PIK3AP1: variants seen among roughly 807,000 people sequenced by gnomAD.
The protein encoded by PIK3AP1 is phosphoinositide 3-kinase adapter protein 1.
In PIK3AP1, 21 loss-of-function variants were observed where a neutral mutation model predicts 88.1. The ratio of observed to expected loss-of-function variants is 0.24; its 90% CI spans 0.17 to 0.34. PIK3AP1 has a LOEUF of 0.34. PIK3AP1 is among the 10% of genes least tolerant of loss of function. The probability of loss-of-function intolerance (pLI) is 1.00; values close to 1 mark genes in which losing one functional copy is unlikely to be tolerated. For missense variants in PIK3AP1, 828 were observed against 1,035.7 expected, an observed-to-expected ratio of 0.80 and a Z score of 2.75; for synonymous variants, 398 against 400.0, an observed-to-expected ratio of 1.00 and a Z score of 0.06.
At chr10:96,625,283 C>G (rs1228357819) in intron 10 of PIK3AP1, among the ~76,000 whole-genome samples, 1 of 152,126 alleles carries the variant, frequency 6.6e-6, no homozygotes. Flanking sequence ...GTGCCAGGTG[C>G]CAGAGGAAGC....
chr10:96,611,275 T>C (rs1306658347), intron 13 of PIK3AP1, among the ~76,000 whole-genome samples: 1 of 152,134 alleles, frequency 6.6e-6, no homozygotes, highest in African/African-American at 2.4e-5. Flanking sequence ...TAGGGTTTTG[T>C]GTAATCCAGG....
rs565982940 is a variant in PIK3AP1 at position 96,601,671 on chromosome 10, C to T, written c.2360+609G>A. Among the ~76,000 whole-genome samples the T allele has an allele frequency of 2.6e-5, 4 of 152,252 alleles. No individual in the cohort carries two copies. In the South Asian group the frequency reaches 6.2e-4, roughly 24 times the overall value. ...TTTTCTGTTCCCCAAAAGGCACTGT[C>T]CCTACAGTCCAGCCAAGGGAATTAG... On this transcript the variant is annotated intron_variant, in intron 16 of 16. Coordinates refer to ENST00000339364, the MANE Select transcript of PIK3AP1 (RefSeq NM_152309.3).
chr10:96,704,859 T>C (rs1844342062), intron 2 of PIK3AP1, among the ~76,000 whole-genome samples: 1 of 152,148 alleles, frequency 6.6e-6, no homozygotes, highest in African/African-American at 2.4e-5. Flanking sequence ...TTAGCTAGCA[T>C]AGCAGCAAAA....
chr10:96,706,772 A>G (rs1844370015), intron 2 of PIK3AP1, among the ~76,000 whole-genome samples: 1 of 152,174 alleles, frequency 6.6e-6, no homozygotes, highest in South Asian at 2.1e-4. Context: ...TTTGTTAAGA[A>G]AGCTTGTCCA....
chr10:96,613,517 G>A (rs780279318), intron 13 of PIK3AP1, among the ~76,000 whole-genome samples: 4 of 152,138 alleles, frequency 2.6e-5, no homozygotes, highest in Non-Finnish European at 4.4e-5. Context: ...GATATAAGAA[G>A]TACAAATACT....
chr10:96,623,528 T>C lies in PIK3AP1; in HGVS notation c.1679A>G (p.Glu560Gly). The C allele has an allele frequency of 6.2e-7, 1 of 1,607,644 alleles. No individual in the cohort carries two copies. The highest frequency in any genetic ancestry group is 1.1e-5 in the South Asian group (1 of 90,948). ...ATTCCCAGGCCGCTCTTGACTTTTT[T>C]CTGCAAAAACTATGAGATAAAGAAT... Reference protein sequence around the residue: ...NEPYIFKVFAEKSQERPGNFY... With the variant: ...NEPYIFKVFAGKSQERPGNFY... Residue 560 changes from glutamate (E) to glycine (G), a missense_variant, in exon 11 of 17, where the codon GAA becomes GGA. By Grantham distance (98) the Glu-to-Gly change is moderately conservative (BLOSUM62 -2). Coordinates refer to ENST00000339364, the MANE Select transcript of PIK3AP1 (RefSeq NM_152309.3).
chr10:96,627,459 A>AT (rs1333769241), intron 9 of PIK3AP1, among the ~76,000 whole-genome samples: 1 of 152,224 alleles, frequency 6.6e-6, no homozygotes, highest in Admixed American at 6.5e-5. Flanking sequence ...GAAAGCAGCC[A>AT]TATATAATAC....
At chr10:96,682,070 A>AT (rs1844010367) in intron 2 of PIK3AP1, among the ~76,000 whole-genome samples, 1 of 152,168 alleles carries the variant, frequency 6.6e-6, no homozygotes, top group African/African-American at 2.4e-5. Context: ...GAGCAACTGC[A>AT]CACAAATACT....
chr10:96,638,463 CACACACAG>C (rs892503659), intron 8 of PIK3AP1, among the ~76,000 whole-genome samples: 37 of 76,772 alleles, frequency 4.8e-4, no homozygotes, highest in Admixed American at 3.7e-3. Context: ...CAGACACACA[CACACACAG>C]ACACACACAC....
intron 1 of PIK3AP1, 43 bp from the exon 2 acceptor site, chr10:96,710,026 C>T: frequency 1.3e-6 from 2 of 1,525,588 alleles, no homozygotes; most frequent in South Asian, 1.2e-5. Flanking sequence ...CACACCTCCC[C>T]TTCTAGGTGG....
In PIK3AP1 at chr10:96,602,428, G is replaced by A. The variant is rs777525666; in HGVS notation, c.2242-30C>T. 2.7e-5 allele frequency: 42 copies of A among 1,565,184 alleles called. No homozygotes were observed. The Middle Eastern group carries it at 8.5e-4, about 32-fold the overall frequency. On this transcript the variant is annotated intron_variant, in intron 15 of 16. Transcript: ENST00000339364. ...AGCAAAGAAGATGAGAAAGAAAGGC[G>A]AAAACTACATTCAGCAACCAGCATA...
chr10:96,597,213 T>C lies in PIK3AP1; in HGVS notation c.2361-1579A>G, dbSNP rs547033594. Reference sequence around the variant, plus strand: ...AAGCCAAAGGGCATGATACCACTTTTACCTGAGCAAATTTAGCCTGCCCAC... The same window carrying C: ...AAGCCAAAGGGCATGATACCACTTTCACCTGAGCAAATTTAGCCTGCCCAC... On this transcript the variant is annotated intron_variant, in intron 16 of 16. Coordinates refer to ENST00000339364, the MANE Select transcript of PIK3AP1 (RefSeq NM_152309.3). 3.1e-4 allele frequency among the ~76,000 whole-genome samples: 47 copies of C among 152,284 alleles called. 1 individual carries two copies. In the South Asian group the frequency reaches 9.5e-3, roughly 31 times the overall value.
At chr10:96,671,302 AC>A (rs1366157037) in intron 2 of PIK3AP1, among the ~76,000 whole-genome samples, 1 of 152,070 alleles carries the variant, frequency 6.6e-6, no homozygotes, top group Non-Finnish European at 1.5e-5. Context: ...AGTTTCAATA[AC>A]CCTCACCTTC....
chr10:96,693,441 G>GTGGA (rs3979613), intron 2 of PIK3AP1, among the ~76,000 whole-genome samples: 3,141 of 150,630 alleles, frequency 0.021, 86 homozygotes, highest in African/African-American at 0.06. Flanking sequence ...AGATAGATGA[G>GTGGA]TGGATGGATG....
chr10:96,706,758 C>G (rs181163266), intron 2 of PIK3AP1, among the ~76,000 whole-genome samples: 370 of 152,282 alleles, frequency 2.4e-3, no homozygotes, highest in Non-Finnish European at 4.4e-3. Flanking sequence ...CTCTGAGTAT[C>G]AGGTTTGTTA....
intron 8 of PIK3AP1, among the ~76,000 whole-genome samples, chr10:96,642,235 G>C (rs1843398696): frequency 6.6e-6 from 1 of 151,976 alleles, no homozygotes; most frequent in Non-Finnish European, 1.5e-5. Context: ...GACCAGCCTG[G>C]GTAACATCAC....
chr10:96,687,707 A>G (rs1012170037), intron 2 of PIK3AP1, among the ~76,000 whole-genome samples: 14 of 152,114 alleles, frequency 9.2e-5, no homozygotes, highest in Non-Finnish European at 1.8e-4. Context: ...TGAGGCCCTA[A>G]CCACCCTCAT....
At chr10:96,675,886 T>A (rs758457363) in intron 2 of PIK3AP1, among the ~76,000 whole-genome samples, 1 of 152,214 alleles carries the variant, frequency 6.6e-6, no homozygotes, top group East Asian at 1.9e-4. Context: ...CACTGTTGCA[T>A]ACTCGTATTA....
intron 16 of PIK3AP1, among the ~76,000 whole-genome samples, chr10:96,598,044 GTTTT>G (rs34971365): frequency 8.6e-6 from 1 of 115,920 alleles, no homozygotes; most frequent in Non-Finnish European, 1.8e-5. Flanking sequence ...TTTTTTTGTT[GTTTT>G]TTTTTTTTTT....
Sources: gnomAD v4.1 joint callset for allele counts (sites outside exome capture counted in the v4.1 genomes callset) on GRCh38, gnomAD v4.1.1 for gene constraint, MANE v1.5 for transcripts, NCBI Gene and HGNC (gene_info 2026-07-23, HGNC 2026-07-21) for gene names.